Variants in TSNARE1 observed in about 807,000 individuals in gnomAD.
TSNARE1 encodes the protein t-SNARE domain containing 1.
A neutral mutation model predicts 62.0 loss-of-function variants in TSNARE1; 49 were observed. The ratio of observed to expected loss-of-function variants is 0.79; its 90% CI spans 0.63 to 1.00. The LOEUF (loss-of-function observed/expected upper bound fraction) is 1.00. Among genes scored for constraint, TSNARE1 ranks in the 50% least tolerant of loss-of-function variants. TSNARE1 has a pLI of 0.00. For synonymous variants in TSNARE1, 328 were observed against 294.4 expected, an observed-to-expected ratio of 1.11 and a Z score of -1.17; for missense variants, 755 against 700.1, an observed-to-expected ratio of 1.08 and a Z score of -0.88.
intron 2 of TSNARE1, among the ~76,000 whole-genome samples, chr8:142,353,502 G>A (rs1834374077): frequency 6.6e-6 from 1 of 152,184 alleles, no homozygotes; most frequent in Non-Finnish European, 1.5e-5. Flanking sequence ...ATGAGGAGGG[G>A]CACTTGGTGA....
At chr8:142,318,444 A>C (rs1828925302) in intron 7 of TSNARE1, 100 bp downstream of exon 7, 1 of 1,197,076 alleles carries the variant, frequency 8.4e-7, no homozygotes, top group Non-Finnish European at 1.2e-6. Context: ...CACACACGTC[A>C]GCCTCCCTGT....
chr8:142,285,883 G>T (rs1822655190), intron 10 of TSNARE1, among the ~76,000 whole-genome samples: 1 of 152,156 alleles, frequency 6.6e-6, no homozygotes, highest in Non-Finnish European at 1.5e-5. Context: ...CACACACCTG[G>T]GCTGTGCTTC....
chr8:142,224,271 T>G (rs1210515096), intron 13 of TSNARE1, among the ~76,000 whole-genome samples: 1 of 152,038 alleles, frequency 6.6e-6, no homozygotes, highest in African/African-American at 2.4e-5. Flanking sequence ...CTCCATCGAG[T>G]GCGGCAGGCG....
chr8:142,257,073 T>C (rs1025622502), intron 12 of TSNARE1, among the ~76,000 whole-genome samples: 1 of 152,154 alleles, frequency 6.6e-6, no homozygotes, highest in Non-Finnish European at 1.5e-5. Context: ...CACGCACACA[T>C]ACCCATCCCC....
At chr8:142,273,708 T>C (rs1563801845) in intron 12 of TSNARE1, 1 of 985,160 alleles carries the variant, frequency 1.0e-6, no homozygotes, top group Non-Finnish European at 1.2e-6. Context: ...ACAGTGGGGG[T>C]GCCCGGGCTG....
intron 1 of TSNARE1, among the ~76,000 whole-genome samples, chr8:142,369,959 A>AC (rs1835809429): frequency 1.3e-5 from 2 of 152,102 alleles, no homozygotes; most frequent in Admixed American, 1.3e-4. Context: ...TTGGAATCTA[A>AC]CCCCCAACAT....
intron 6 of TSNARE1, among the ~76,000 whole-genome samples, chr8:142,322,102 T>A (rs540852166): frequency 1.3e-5 from 2 of 152,228 alleles, no homozygotes. Flanking sequence ...CATTCAAACA[T>A]CAGTGAGTGT....
At chr8:142,381,892 G>A (rs2131230192) in intron 1 of TSNARE1, among the ~76,000 whole-genome samples, 1 of 152,304 alleles carries the variant, frequency 6.6e-6, no homozygotes, top group African/African-American at 2.4e-5. Flanking sequence ...TCCTGCGTGT[G>A]GGAGACACTG....
At chr8:142,231,593 A>G (rs1482582560) in intron 12 of TSNARE1, among the ~76,000 whole-genome samples, 1 of 152,186 alleles carries the variant, frequency 6.6e-6, no homozygotes, top group African/African-American at 2.4e-5. Flanking sequence ...CCCATGGCTT[A>G]GGATACTGGG....
At chr8:142,312,545 G>A (rs918790445) in intron 9 of TSNARE1, among the ~76,000 whole-genome samples, 1 of 152,162 alleles carries the variant, frequency 6.6e-6, no homozygotes, top group Non-Finnish European at 1.5e-5. Flanking sequence ...GTGTTTACAA[G>A]AGTCCCTCCT....
At position 142,283,929 on chromosome 8, in the gene TSNARE1, G is replaced by A. The variant is rs1315585556; in HGVS notation, c.1363+484C>T. Among the ~76,000 whole-genome samples, 4 of 143,350 alleles carry A rather than the reference G, an allele frequency of 2.8e-5. 1 individual carries two copies. Among genetic ancestry groups the A allele is most frequent in the African/African-American group, 7.4e-5 (3 of 40,616 alleles). 94.0% of individuals were successfully genotyped at this position (143,350 alleles called of 152,430 possible). ...CAGTGTCTGTCAGTGAGGGGAGCAGGGACCAGGTTCTGTCAATGAGCAGGG... is the reference window on the plus strand; with the variant it reads ...CAGTGTCTGTCAGTGAGGGGAGCAGAGACCAGGTTCTGTCAATGAGCAGGG... On this transcript the variant is annotated intron_variant, in intron 11 of 13. Coordinates refer to ENST00000524325, the MANE Select transcript of TSNARE1 (RefSeq NM_145003.5).
At chr8:142,282,466 A>AGGTTG in intron 11 of TSNARE1, among the ~76,000 whole-genome samples, 1 of 151,486 alleles carries the variant, frequency 6.6e-6, no homozygotes, top group Admixed American at 6.6e-5. Flanking sequence ...AGCAAAGGGG[A>AGGTTG]GGCCACTGTC....
At chr8:142,284,786 G>C (rs760671024) in intron 10 of TSNARE1, among the ~76,000 whole-genome samples, 1 of 152,226 alleles carries the variant, frequency 6.6e-6, no homozygotes, top group Non-Finnish European at 1.5e-5. Context: ...CCTAGGGGCT[G>C]TGAGCTGCTT....
intron 1 of TSNARE1, among the ~76,000 whole-genome samples, chr8:142,361,439 C>T (rs1835155359): frequency 6.6e-6 from 1 of 152,186 alleles, no homozygotes; most frequent in African/African-American, 2.4e-5. Flanking sequence ...GGACACACGG[C>T]AGCAGAGGCA....
intron 11 of TSNARE1, chr8:142,275,556 G>A: frequency 9.1e-6 from 9 of 985,440 alleles, no homozygotes; most frequent in South Asian, 4.7e-5. Flanking sequence ...CCAAAGGAAG[G>A]ACACATGCCA....
intron 9 of TSNARE1, among the ~76,000 whole-genome samples, chr8:142,314,083 G>A (rs773939460): frequency 3.3e-5 from 5 of 152,122 alleles, no homozygotes; most frequent in Non-Finnish European, 7.4e-5. Flanking sequence ...CCGGCCACGT[G>A]TGTGTGTGTG....
chr8:142,228,881 A>G lies in TSNARE1; in HGVS notation c.*11+592T>C, dbSNP rs140136945. On this transcript the variant is annotated intron_variant, in intron 13 of 13. Coordinates refer to ENST00000524325, the MANE Select transcript of TSNARE1 (RefSeq NM_145003.5). ...TGAATGGTGGATGGGTGGATAATGG[A>G]CGAACAGATGGTGTACAGGTGCATG... Among the ~76,000 whole-genome samples, 34 of 151,308 alleles carry G rather than the reference A, an allele frequency of 2.2e-4. No individual in the cohort carries two copies. The East Asian group carries it at 6.7e-3, about 30-fold the overall frequency.
intron 11 of TSNARE1, among the ~76,000 whole-genome samples, chr8:142,281,317 G>A (rs1821409925): frequency 1.3e-5 from 2 of 152,230 alleles, no homozygotes; most frequent in South Asian, 4.1e-4. Flanking sequence ...CTGGGAGCCA[G>A]GGCTCCTGGC....
At chr8:142,347,266 A>G (rs1833498636) in intron 2 of TSNARE1, among the ~76,000 whole-genome samples, 1 of 152,232 alleles carries the variant, frequency 6.6e-6, no homozygotes. Flanking sequence ...GAGCAGCCGC[A>G]GCCTGGAGAC....
Sources: gnomAD v4.1 joint callset for allele counts (sites outside exome capture counted in the v4.1 genomes callset) on GRCh38, gnomAD v4.1.1 for gene constraint, MANE v1.5 for transcripts, NCBI Gene and HGNC (gene_info 2026-07-23, HGNC 2026-07-21) for gene names.